ATG2B: variants seen among roughly 807,000 people sequenced by gnomAD.
ATG2B encodes autophagy related 2B.
Under a neutral mutation model 241.3 loss-of-function variants are expected in ATG2B, and 121 were observed. That is an observed-to-expected ratio of 0.50 (90% CI 0.43 to 0.58). The LOEUF is 0.58. Ranked by LOEUF, ATG2B falls within the 20% of genes least tolerant of loss-of-function variation. The pLI is 0.00. For missense variants in ATG2B, 2,306 were observed against 2,491.6 expected (o/e 0.93, Z 1.59); for synonymous variants, 858 against 876.6 (o/e 0.98, Z 0.37).
rs532955505 is a variant in ATG2B at position 96,284,399 on chromosome 14, A to C, written c.*1356T>G. 1 of 152,348 alleles carries C rather than the reference A, an allele frequency of 6.6e-6. No individual in the cohort carries two copies. Among genetic ancestry groups the C allele is most frequent in the Admixed American group, 6.5e-5 (1 of 15,296 alleles). 9.4% of individuals were successfully genotyped at this position (152,348 alleles called of 1,614,324 possible). ...GTTTACATTGCTTTCCTGCTTAGAA[A>C]ATTTAGAGAACGAAATTGATTTAAC... is the stretch of plus-strand genomic sequence containing the variant. On this transcript the variant is annotated 3_prime_UTR_variant, in exon 42 of 42. Transcript: ENST00000359933.
At position 96,313,057 on chromosome 14, in the gene ATG2B, A is replaced by G; in HGVS notation, c.3842+8T>C. ...TTGTTTAGTATACAATGAAGTTTAC[A>G]CAGGTACCTGAGAGTAGAGGAAGAT... is the stretch of plus-strand genomic sequence containing the variant. On this transcript the variant is annotated splice_region_variant and intron_variant, in intron 25 of 41. Transcript: ENST00000359933. 2 of 1,567,802 alleles carry G rather than the reference A, an allele frequency of 1.3e-6. No homozygotes were observed. Among genetic ancestry groups the G allele is most frequent in the Non-Finnish European group, 1.8e-6 (2 of 1,138,412 alleles).
chr14:96,298,548 A>G (rs1043063376), intron 34 of ATG2B, among the ~76,000 whole-genome samples: 2 of 152,230 alleles, frequency 1.3e-5, no homozygotes, highest in Non-Finnish European at 2.9e-5. Context: ...ACCAGCAGGT[A>G]AACAGATAAA....
In ATG2B at chr14:96,292,083, C is replaced by G. The variant is rs200641696; in HGVS notation, c.5442G>C (p.Thr1814=). 6.3e-7 allele frequency: 1 copy of G among 1,590,110 alleles called. No individual in the cohort carries two copies. Among genetic ancestry groups the G allele is most frequent in the South Asian group, 1.2e-5 (1 of 86,914 alleles). ...AATCAAGTCGAATGGGAACTTCTGA[C>G]GTGAATCTAAATTCTCTGAAGATAA... ...QPVFFREFRF[T]SEVPIRLDYH... The change falls in exon 37 of 42, where the codon ACG becomes ACC. Residue 1814 remains threonine (T), a synonymous_variant. Transcript: ENST00000359933.
rs1383878201 is a variant in ATG2B at position 96,307,023 on chromosome 14, CATTT to C, written c.4304-111_4304-108del. ...TTGTGTGCTTTTACCTGCAATATCTCATTTATTTCCTAAAATAAGTCTATGAATC... is the reference window on the plus strand; with the variant it reads ...TTGTGTGCTTTTACCTGCAATATCTCATTTCCTAAAATAAGTCTATGAATC... On this transcript the variant is annotated intron_variant, in intron 29 of 41. Coordinates refer to ENST00000359933, the MANE Select transcript of ATG2B (RefSeq NM_018036.7). 1.3e-5 allele frequency: 12 copies of C among 890,546 alleles called. No individual in the cohort carries two copies. In the East Asian group the frequency reaches 3.2e-4, roughly 24 times the overall value. The allele number at this position is 890,546 out of a possible 1,614,324, so 55.2% of individuals were successfully genotyped here.
At chr14:96,315,362 C>A in intron 22 of ATG2B, 22 bp downstream of exon 22, 4 of 1,607,274 alleles carry the variant, frequency 2.5e-6, no homozygotes. Context: ...TCAACAGTGG[C>A]ATAAAAGTAC....
At position 96,285,898 on chromosome 14, in the gene ATG2B, G is replaced by T. The variant is rs765101011; in HGVS notation, c.6094C>A (p.Leu2032Met). The stretch of plus-strand genomic sequence containing the variant: ...ACCACTGCCGGAGGAATCTGGCGCA[G>T]AACCTCGCCCACGGCACCAGTCACC... ...RGVTGAVGEV[L>M]RQIPPAVVKP... is the part of the protein sequence containing the mutation. Residue 2032 changes from leucine (L) to methionine (M), a missense_variant, in exon 42 of 42, where the codon CTG (leucine) becomes ATG (methionine). This residue lies in a region of ATG2B where 379 missense variants were observed against 480.4 expected (regional missense o/e 0.79). Transcript: ENST00000359933. This position sits in a 1 kb window ranked among gnomAD's most constrained non-coding sequence, Gnocchi z 4.2. 1 of 1,614,092 alleles carries T rather than the reference G, an allele frequency of 6.2e-7. No homozygotes were observed. The highest frequency in any genetic ancestry group is 8.5e-7 in the Non-Finnish European group (1 of 1,180,026).
chr14:96,322,760 A>T, intron 16 of ATG2B, 25 bp from the exon 17 acceptor site: 1 of 1,600,144 alleles, frequency 6.2e-7, no homozygotes, highest in South Asian at 1.1e-5. Context: ...AATTTTAAAA[A>T]GACCAAGATC....
rs747559650 is a variant in ATG2B, at chr14:96,333,691, G to T, written c.1204C>A (p.Arg402Ser). The change falls in exon 8 of 42, where the codon CGT becomes AGT. Residue 402 changes from arginine to serine, a missense_variant. Around this residue, in one of 2 missense-constraint regions of ATG2B, gnomAD observed 1,927 missense variants for 2,011.2 expected, o/e 0.96. Coordinates refer to ENST00000359933, the MANE Select transcript of ATG2B (RefSeq NM_018036.7). ...ETETARTPSS[R>S]EEEVFFSMAD... ...GTCAACAGTTTGAGTTGCTTACCAC[G>T]GCTAGAAGGTGTACGAGCTGTTTCT... 1 of 1,612,454 alleles carries T rather than the reference G, an allele frequency of 6.2e-7. No individual in the cohort carries two copies. Among genetic ancestry groups the T allele is most frequent in the South Asian group, 1.1e-5 (1 of 90,774 alleles).
At chr14:96,357,795 C>G (rs1181198060) in intron 1 of ATG2B, among the ~76,000 whole-genome samples, 3 of 152,078 alleles carry the variant, frequency 2.0e-5, no homozygotes, top group Non-Finnish European at 4.4e-5. Context: ...ATTTCCACAA[C>G]TAAAAGTTTG....
At chr14:96,317,363 C>G (rs1490128454) in intron 19 of ATG2B, 46 bp from the exon 20 acceptor site, 1 of 1,487,510 alleles carries the variant, frequency 6.7e-7, no homozygotes, top group South Asian at 1.2e-5. Context: ...CATATTAAAA[C>G]AGCAACATAA....
chr14:96,334,341 T>C, intron 7 of ATG2B, 64 bp downstream of exon 7: 1 of 981,746 alleles, frequency 1.0e-6, no homozygotes, highest in Non-Finnish European at 1.5e-6. Context: ...ATACATTACA[T>C]ATTTTAAAGT....
intron 25 of ATG2B, 86 bp downstream of exon 25, chr14:96,312,977 TGA>T (rs1887201970): frequency 1.2e-6 from 1 of 824,922 alleles, no homozygotes; most frequent in South Asian, 2.3e-5. Context: ...AACAAAAAAT[TGA>T]GACTTTAATA....
Position 96,332,586 on chromosome 14 carries a change from C to T in ATG2B, c.1277G>A (p.Gly426Glu). 1 of 1,610,084 alleles carries T rather than the reference C, an allele frequency of 6.2e-7. No individual in the cohort carries two copies. Among genetic ancestry groups the T allele is most frequent in the East Asian group, 2.2e-5 (1 of 44,838 alleles). Residue 426 changes from glycine (G) to glutamate (E), a missense_variant, in exon 9 of 42, where the codon GGG (glycine) becomes GAG (glutamate). By Grantham distance (98) the Gly-to-Glu change is moderately conservative. Coordinates refer to ENST00000359933, the MANE Select transcript of ATG2B (RefSeq NM_018036.7). ...SHSLSSLPPL[G>E]DPPNMDLELS... ...CTCAAGGTCCATGTTTGGGGGGTCCCCAAGGGGTGGAAGAGAAGAGAGACT... is the reference window on the plus strand; with the variant it reads ...CTCAAGGTCCATGTTTGGGGGGTCCTCAAGGGGTGGAAGAGAAGAGAGACT...
At chr14:96,325,088 T>C (rs1321453246) in intron 15 of ATG2B, among the ~76,000 whole-genome samples, 1 of 152,154 alleles carries the variant, frequency 6.6e-6, no homozygotes, top group Non-Finnish European at 1.5e-5. Context: ...CAAATAAAAG[T>C]CACTAGCGAT....
At chr14:96,311,690 A>G (rs913136380) in intron 26 of ATG2B, 72 bp from the exon 27 acceptor site, 5 of 895,076 alleles carry the variant, frequency 5.6e-6, no homozygotes, top group Non-Finnish European at 9.1e-6. Context: ...AACACCCAAT[A>G]CAACTAGCAT....
chr14:96,324,501 C>T (rs1350663202), intron 15 of ATG2B, among the ~76,000 whole-genome samples: 1 of 152,028 alleles, frequency 6.6e-6, no homozygotes, highest in Non-Finnish European at 1.5e-5. Context: ...GCCTCTCCAA[C>T]ATGGAAAAAA....
Position 96,328,771 on chromosome 14 carries a change from A to G in ATG2B, c.1882-5T>C. 6.3e-7 allele frequency: 1 copy of G among 1,596,516 alleles called. No individual in the cohort carries two copies. Among genetic ancestry groups the G allele is most frequent in the Non-Finnish European group, 8.6e-7 (1 of 1,167,788 alleles). ...TTTGGAATGGAACGTTAAAAGCTTA[A>G]AAGTAAAGATGAAGATAAATTAAAT... On this transcript the variant is annotated splice_region_variant and splice_polypyrimidine_tract_variant and intron_variant, in intron 12 of 41. Transcript: ENST00000359933.
rs1194837462 is a variant in ATG2B, at chr14:96,295,315, A to T, written c.5219-148T>A. On this transcript the variant is annotated intron_variant, in intron 35 of 41. Coordinates refer to ENST00000359933, the MANE Select transcript of ATG2B (RefSeq NM_018036.7). Reference sequence around the variant, plus strand: ...GAGAAAATTTGCTTTCACCTTTTAAATTATTACTTTTATATAAACAGTATT... The same window carrying T: ...GAGAAAATTTGCTTTCACCTTTTAATTTATTACTTTTATATAAACAGTATT... 3 of 950,274 alleles carry T rather than the reference A, an allele frequency of 3.2e-6. No homozygotes were observed. The South Asian group carries it at 5.3e-5, about 17-fold the overall frequency. 58.9% of individuals were successfully genotyped at this position (950,274 alleles called of 1,614,324 possible).
Position 96,331,578 on chromosome 14 carries a change from C to A in ATG2B, c.1528G>T (p.Ala510Ser), listed in dbSNP as rs1307748615. ...ACAGAGATTGAAAAAGTTCCCACAG[C>A]TAGTCTAAAAATAAGTTCAGGCCTT... Reference protein sequence around the residue: ...ESRPELIFRLAVGTFSISVLH... With the variant: ...ESRPELIFRLSVGTFSISVLH... The change falls in exon 11 of 42, where the codon GCT becomes TCT. Residue 510 changes from alanine (A) to serine (S), a missense_variant. Ala to Ser is a moderately conservative substitution (Grantham distance 99). Transcript: ENST00000359933. 1 of 1,613,984 alleles carries A rather than the reference C, an allele frequency of 6.2e-7. No homozygotes were observed. Among genetic ancestry groups the A allele is most frequent in the Admixed American group, 1.7e-5 (1 of 60,004 alleles).
Sources: gnomAD v4.1 joint callset for allele counts (sites outside exome capture counted in the v4.1 genomes callset) on GRCh38, gnomAD v4.1.1 for gene constraint, gnomAD v4.1.1 regional missense constraint, Gnocchi (gnomAD v3.1) non-coding constraint, MANE v1.5 for transcripts, NCBI Gene and HGNC (gene_info 2026-07-23, HGNC 2026-07-21) for gene names.